The following SLC25A39 variants were observed in gnomAD, a reference collection of about 807,000 sequenced individuals.
SLC25A39 encodes mitochondrial glutathione transporter SLC25A39.
SLC25A39 carries 44 observed loss-of-function variants against 46.6 expected under a neutral mutation model. The observed-to-expected ratio is 0.94, with a 90% CI of 0.74 to 1.21. The LOEUF (loss-of-function observed/expected upper bound fraction) is 1.21. SLC25A39 is among the 50% of genes most tolerant of loss of function. The pLI is 0.00. For synonymous variants in SLC25A39, 218 were observed against 190.6 expected (o/e 1.14, Z -1.19); for missense variants, 487 against 473.0 (o/e 1.03, Z -0.28).
At chr17:44,322,908 C>G in intron 3 of SLC25A39, 56 bp from the exon 4 acceptor site, 1 of 1,578,380 alleles carries the variant, frequency 6.3e-7, no homozygotes, top group Non-Finnish European at 8.7e-7. Context: ...CCTAGGGACC[C>G]CATCTCTGGG....
At position 44,323,482 on chromosome 17, in the gene SLC25A39, G is replaced by A; in HGVS notation, c.81C>T (p.Leu27=). ...CCCACCTCCCCTAGGTCTTACTGAA[G>A]AGAGAGGTAACCACAGCCCCGGTGC... ...ASGTGAVVTS[L]FMTPLDVVKV... is the part of the protein sequence containing the mutation. Residue 27 remains leucine, a synonymous_variant, in exon 2 of 12, where the codon CTC becomes CTT. Coordinates refer to ENST00000377095, the MANE Select transcript of SLC25A39 (RefSeq NM_001143780.3). 1.4e-6 allele frequency: 2 copies of A among 1,404,526 alleles called. No homozygotes were observed. Among genetic ancestry groups the A allele is most frequent in the East Asian group, 3.1e-5 (1 of 32,034 alleles). 87.0% of individuals were successfully genotyped at this position (1,404,526 alleles called of 1,614,324 possible). A position where few individuals can be genotyped will look rare whatever the true frequency, so the allele number is the denominator to read the frequency against.
At chr17:44,323,369 C>T (rs779971589) in intron 2 of SLC25A39, 26 bp from the exon 3 acceptor site, 10 of 1,605,682 alleles carry the variant, frequency 6.2e-6, no homozygotes, top group South Asian at 1.1e-5. Context: ...GGTCTGAAGG[C>T]TCCTTTCAGG....
At position 44,319,777 on chromosome 17, in the gene SLC25A39, G is replaced by A; in HGVS notation, c.*224C>T. 1 of 553,466 alleles carries A rather than the reference G, an allele frequency of 1.8e-6. No homozygotes were observed. The highest frequency in any genetic ancestry group is 3.3e-6 in the Non-Finnish European group (1 of 307,298). 34.3% of individuals were successfully genotyped at this position (553,466 alleles called of 1,614,324 possible). On this transcript the variant is annotated 3_prime_UTR_variant, in exon 12 of 12. Transcript: ENST00000377095. ...GCTGGAAGATTTGGTCTTGAACTTGGGGGGTGGGTAAGTGATGATCCCCAC... is the reference window on the plus strand; with the variant it reads ...GCTGGAAGATTTGGTCTTGAACTTGAGGGGTGGGTAAGTGATGATCCCCAC...
rs1567868014 is a variant in SLC25A39 at position 44,321,740 on chromosome 17, CG to C, written c.351del (p.His117GlnfsTer16). 1 of 1,612,536 alleles carries C rather than the reference CG, an allele frequency of 6.2e-7. No individual in the cohort carries two copies. Among genetic ancestry groups the C allele is most frequent in the African/African-American group, 1.3e-5 (1 of 75,024 alleles). Reference protein sequence around the residue: ...TMDAFVKIVRHEGTRTLWSGL... With the variant: ...TMDAFVKIVRXEGTRTLWSGL... ...CCGCTCCAGAGGGTCCTGGTGCCCT[CG>C]TGCCTCACGATCTTCACGAAGGCAT... On this transcript the variant is annotated frameshift_variant, in exon 6 of 12. Coordinates refer to ENST00000377095, the MANE Select transcript of SLC25A39 (RefSeq NM_001143780.3). LOFTEE classifies it high-confidence loss of function.
Position 44,319,922 on chromosome 17 carries a change from G to A in SLC25A39, c.*79C>T. On this transcript the variant is annotated 3_prime_UTR_variant, in exon 12 of 12. Coordinates refer to ENST00000377095, the MANE Select transcript of SLC25A39 (RefSeq NM_001143780.3). Reference sequence around the variant, plus strand: ...AACAAGCCCCCTCCCTCAGTGCTGAGGAAAAGGCACTTGGCTGGGTCTCCT... The same window carrying A: ...AACAAGCCCCCTCCCTCAGTGCTGAAGAAAAGGCACTTGGCTGGGTCTCCT... 2.1e-6 allele frequency: 3 copies of A among 1,412,246 alleles called. No individual in the cohort carries two copies. The South Asian group carries it at 3.5e-5, about 17-fold the overall frequency. The allele number at this position is 1,412,246 out of a possible 1,614,324, so 87.5% of individuals were successfully genotyped here. A position where few individuals can be genotyped will look rare whatever the true frequency, so the allele number is the denominator to read the frequency against.
At chr17:44,320,830 C>A (rs2048007824) in intron 8 of SLC25A39, 99 bp from the exon 9 acceptor site, 3 of 1,072,632 alleles carry the variant, frequency 2.8e-6, no homozygotes, top group East Asian at 4.8e-5. Context: ...AGCTGTGAGT[C>A]TTGTCTGCTA....
rs2048037542 is a variant in SLC25A39 at position 44,321,542 on chromosome 17, C to T, written c.409G>A (p.Ala137Thr). 3 of 1,613,890 alleles carry T rather than the reference C, an allele frequency of 1.9e-6. No individual in the cohort carries two copies. The highest frequency in any genetic ancestry group is 2.7e-5 in the African/African-American group (2 of 74,892). ...TAGGCAGTGAAGTAGATGGCGGTAGCTGGCACAGTCATCACCCTGGGGATA... is the reference window on the plus strand; with the variant it reads ...TAGGCAGTGAAGTAGATGGCGGTAGTTGGCACAGTCATCACCCTGGGGATA... ...LPATLVMTVP[A>T]TAIYFTAYDQ... Residue 137 changes from alanine to threonine, a missense_variant, in exon 7 of 12, where the codon GCT becomes ACT. Coordinates refer to ENST00000377095, the MANE Select transcript of SLC25A39 (RefSeq NM_001143780.3).
Position 44,322,661 on chromosome 17 carries a change from T to A in SLC25A39, c.191-109A>T, listed in dbSNP as rs570886102. ...TAAAGGCCAGGTCCCTGTGTGGATGTTCTGGTGCAGGTCACAGGACTGGCT... is the reference window on the plus strand; with the variant it reads ...TAAAGGCCAGGTCCCTGTGTGGATGATCTGGTGCAGGTCACAGGACTGGCT... On this transcript the variant is annotated intron_variant, in intron 4 of 11. Coordinates refer to ENST00000377095, the MANE Select transcript of SLC25A39 (RefSeq NM_001143780.3). 89 of 1,559,962 alleles carry A rather than the reference T, an allele frequency of 5.7e-5. 2 individuals are homozygous for A. In the South Asian group the frequency reaches 1.0e-3, roughly 18 times the overall value.
Position 44,321,545 on chromosome 17 carries a change from G to C in SLC25A39, c.406C>G (p.Pro136Ala). 1 of 1,614,000 alleles carries C rather than the reference G, an allele frequency of 6.2e-7. No homozygotes were observed. Among genetic ancestry groups the C allele is most frequent in the African/African-American group, 1.3e-5 (1 of 75,028 alleles). The change falls in exon 7 of 12, where the codon CCA (proline) becomes GCA (alanine). Residue 136 changes from proline to alanine, a missense_variant. Coordinates refer to ENST00000377095, the MANE Select transcript of SLC25A39 (RefSeq NM_001143780.3). ...GCAGTGAAGTAGATGGCGGTAGCTG[G>C]CACAGTCATCACCCTGGGGATACAG... ...GLPATLVMTV[P>A]ATAIYFTAYD...
chr17:44,320,469 C>T lies in SLC25A39; in HGVS notation c.802-33G>A, dbSNP rs200749023. ...GGTGGGCGGGGAGAGGGCTCAGCTC[C>T]ACTTCCTGGACCCCCACCCCTACCT... is the stretch of plus-strand genomic sequence containing the variant. On this transcript the variant is annotated intron_variant, in intron 9 of 11. Coordinates refer to ENST00000377095, the MANE Select transcript of SLC25A39 (RefSeq NM_001143780.3). The T allele has an allele frequency of 1.9e-6, 3 of 1,611,196 alleles. No individual in the cohort carries two copies. The East Asian group carries it at 6.7e-5, about 36-fold the overall frequency.
intron 4 of SLC25A39, 53 bp from the exon 5 acceptor site, chr17:44,322,605 A>C: frequency 6.3e-7 from 1 of 1,596,144 alleles, no homozygotes; most frequent in Non-Finnish European, 8.5e-7. Flanking sequence ...CCTTGCAGGG[A>C]GGCAGTGGGC....
At chr17:44,323,112 A>G (rs4793092) in intron 3 of SLC25A39, among the ~76,000 whole-genome samples, 172 bp downstream of exon 3, 82,705 of 151,990 alleles carry the variant, frequency 0.54, 24,526 homozygotes, top group East Asian at 0.92. Context: ...TAGTAGTGAG[A>G]GAGTTTCACC....
At position 44,323,489 on chromosome 17, in the gene SLC25A39, G is replaced by A. The variant is rs766556331; in HGVS notation, c.74C>T (p.Thr25Ile). The A allele has an allele frequency of 3.0e-5, 47 of 1,562,552 alleles. 1 individual carries two copies. Among genetic ancestry groups the A allele is most frequent in the Admixed American group, 1.1e-4 (6 of 53,322 alleles). ...CCCCTAGGTCTTACTGAAGAGAGAG[G>A]TAACCACAGCCCCGGTGCCTGAGGC... ...MVASGTGAVV[T>I]SLFMTPLDVV... is the part of the protein sequence containing the mutation. The change falls in exon 2 of 12, where the codon ACC becomes ATC. Residue 25 changes from threonine (T) to isoleucine (I), a missense_variant. Coordinates refer to ENST00000377095, the MANE Select transcript of SLC25A39 (RefSeq NM_001143780.3).
At chr17:44,321,331 CCCT>C in intron 7 of SLC25A39, 100 bp from the exon 8 acceptor site, 12 of 1,591,630 alleles carry the variant, frequency 7.5e-6, no homozygotes, top group African/African-American at 1.3e-5. Context: ...TAGAACACCC[CCCT>C]ATCCCTAGGC....
chr17:44,321,315 G>A (rs1340539376), intron 7 of SLC25A39, 84 bp from the exon 8 acceptor site: 5 of 1,580,488 alleles, frequency 3.2e-6, no homozygotes, highest in Non-Finnish European at 4.3e-6. Flanking sequence ...CCCAGGTCTG[G>A]GGACCTAGAA....
At chr17:44,322,919 A>G in intron 3 of SLC25A39, 67 bp from the exon 4 acceptor site, 1 of 1,519,436 alleles carries the variant, frequency 6.6e-7, no homozygotes, top group South Asian at 1.1e-5. Flanking sequence ...CATCTCTGGG[A>G]GATCTTTTTA....
rs762990698 is a variant in SLC25A39, at chr17:44,323,612, G to C, written c.-15-35C>G. Reference sequence around the variant, plus strand: ...AAACCTCAAACAGACCACAACTCCAGGGATGGCAGGAAAGGAGGCTGGGCC... The same window carrying C: ...AAACCTCAAACAGACCACAACTCCACGGATGGCAGGAAAGGAGGCTGGGCC... On this transcript the variant is annotated intron_variant, in intron 1 of 11. Transcript: ENST00000377095. 4.8e-6 allele frequency: 7 copies of C among 1,456,852 alleles called. No individual in the cohort carries two copies. The East Asian group carries it at 1.7e-4, about 36-fold the overall frequency. 90.2% of individuals were successfully genotyped at this position (1,456,852 alleles called of 1,614,324 possible).
chr17:44,323,761 C>T, intron 1 of SLC25A39, 184 bp from the exon 2 acceptor site: 4 of 586,926 alleles, frequency 6.8e-6, no homozygotes, highest in East Asian at 2.9e-5. Context: ...CTTGCTTCAG[C>T]CTCCCAAGTA....
At chr17:44,323,440 T>TGGCCCCCCCCCCCCCCC in intron 2 of SLC25A39, 38 bp downstream of exon 2, 1 of 341,554 alleles carries the variant, frequency 2.9e-6, no homozygotes, top group African/African-American at 4.8e-5. Flanking sequence ...GTCTGCCCCA[T>TGGCCCCCCCCCCCCCCC]CCCCACCCGC....
Sources: gnomAD v4.1 joint callset for allele counts (sites outside exome capture counted in the v4.1 genomes callset) on GRCh38, gnomAD v4.1.1 for gene constraint, MANE v1.5 for transcripts, NCBI Gene and HGNC (gene_info 2026-07-23, HGNC 2026-07-21) for gene names.